Variants in KCNN2 observed in about 807,000 individuals in gnomAD.
KCNN2 encodes the protein small conductance calcium-activated potassium channel protein 2.
Under a neutral mutation model 55.5 loss-of-function variants are expected in KCNN2, and 24 were observed. The observed-to-expected ratio is 0.43, with a 90% confidence interval of 0.31 to 0.61. The LOEUF (loss-of-function observed/expected upper bound fraction) is 0.61. KCNN2 is among the 20% of genes least tolerant of loss of function. The probability of loss-of-function intolerance (pLI) is 0.08; values close to 1 mark genes in which losing one functional copy is unlikely to be tolerated. For missense variants in KCNN2, 754 were observed against 853.6 expected, an observed-to-expected ratio of 0.88 and a Z score of 1.45; for synonymous variants, 431 against 336.1, an observed-to-expected ratio of 1.28 and a Z score of -3.09.
rs1279119815 is a variant in KCNN2, at chr5:114,180,117, AGTTAAAC to A, written c.-270-41359_-270-41353del. The stretch of plus-strand genomic sequence containing the variant: ...ATATAACAAGACAAAACGGATTATA[AGTTAAAC>A]GTTCAATAATGAGTGGTAAGACAGT... On this transcript the variant is annotated intron_variant, in intron 1 of 10. Coordinates refer to the KCNN2 transcript ENST00000512097. Among the ~76,000 whole-genome samples, 10 of 152,354 alleles carry A rather than the reference AGTTAAAC, an allele frequency of 6.6e-5. No homozygotes were observed. In the Middle Eastern group the frequency reaches 0.01, roughly 155 times the overall value.
At chr5:114,105,150 G>A (rs74329089) in intron 1 of KCNN2, among the ~76,000 whole-genome samples, 7,083 of 152,098 alleles carry the variant, frequency 0.047, 546 homozygotes, top group African/African-American at 0.16. Flanking sequence ...GAGCTTGGCA[G>A]TTCTCAGATG....
intron 2 of KCNN2, among the ~76,000 whole-genome samples, chr5:114,303,115 C>T (rs960127230): frequency 6.6e-6 from 1 of 152,204 alleles, no homozygotes; most frequent in Non-Finnish European, 1.5e-5. Flanking sequence ...GAAAATTGGC[C>T]TGCTTCTGAA....
chr5:114,237,644 C>G (rs996668475), intron 2 of KCNN2, among the ~76,000 whole-genome samples: 3 of 152,126 alleles, frequency 2.0e-5, no homozygotes, highest in Non-Finnish European at 2.9e-5. Context: ...CTTTGAAAAA[C>G]ACAATCTAAA....
intron 3 of KCNN2, among the ~76,000 whole-genome samples, chr5:114,407,789 A>T (rs1242824586): frequency 6.6e-6 from 1 of 152,222 alleles, no homozygotes; most frequent in East Asian, 1.9e-4. Context: ...AGGTCTCAAC[A>T]GTTACTATGC....
intron 2 of KCNN2, among the ~76,000 whole-genome samples, chr5:114,294,710 C>T (rs571524085): frequency 4.7e-4 from 71 of 152,108 alleles, no homozygotes; most frequent in African/African-American, 7.0e-4. Flanking sequence ...CTATTAGGTC[C>T]GCTTGGTGCA....
At chr5:114,429,879 G>A (rs1759740278) in intron 3 of KCNN2, among the ~76,000 whole-genome samples, 1 of 140,024 alleles carries the variant, frequency 7.1e-6, no homozygotes, top group Non-Finnish European at 1.5e-5. Flanking sequence ...ATCATTTGTG[G>A]AAAAGATTGT....
intron 3 of KCNN2, among the ~76,000 whole-genome samples, chr5:114,413,862 A>T (rs1334763235): frequency 6.6e-6 from 1 of 152,168 alleles, no homozygotes; most frequent in Non-Finnish European, 1.5e-5. Flanking sequence ...TCTGACTTTG[A>T]AAATCCCTGT....
At chr5:114,150,391 A>C (rs1752497211) in intron 1 of KCNN2, among the ~76,000 whole-genome samples, 1 of 152,200 alleles carries the variant, frequency 6.6e-6, no homozygotes, top group Non-Finnish European at 1.5e-5. Flanking sequence ...AACCAGTAAA[A>C]CTTTCTTCAC....
At chr5:114,390,466 G>T (rs538886055) in intron 2 of KCNN2, among the ~76,000 whole-genome samples, 116 of 152,240 alleles carry the variant, frequency 7.6e-4, no homozygotes, top group African/African-American at 2.8e-3. Context: ...CCTGAAGTTA[G>T]TTAAGGTTAC....
At chr5:114,471,692 C>T (rs571867499) in intron 4 of KCNN2, among the ~76,000 whole-genome samples, 1 of 152,182 alleles carries the variant, frequency 6.6e-6, no homozygotes, top group Non-Finnish European at 1.5e-5. Flanking sequence ...TTTCTCTGAT[C>T]ATGTGATCAG....
rs763355055 is a variant in KCNN2 at position 114,363,018 on chromosome 5, C to G, written c.879C>G (p.Leu293=). Residue 293 remains leucine (L), a synonymous_variant, in exon 1 of 8, where the codon CTC becomes CTG. Coordinates refer to ENST00000673685, the MANE Select transcript of KCNN2 (RefSeq NM_021614.4). ...PEHNNSNNLA[L]YGTGGGGSTG... ...ACAACAACTCCAACAACCTGGCGCT[C>G]TATGGAACCGGCGGCGGAGGCAGCA... The G allele has an allele frequency of 5.0e-6, 8 of 1,601,142 alleles. No individual in the cohort carries two copies. The highest frequency in any genetic ancestry group is 1.1e-5 in the South Asian group (1 of 90,344).
intron 2 of KCNN2, among the ~76,000 whole-genome samples, chr5:114,387,542 AT>A (rs1758322361): frequency 1.3e-5 from 2 of 149,120 alleles, no homozygotes; most frequent in South Asian, 2.1e-4. Context: ...CTAAAAAAAA[AT>A]ATTCCCTGTG....
At chr5:114,366,019 T>C (rs963841465) in intron 2 of KCNN2, among the ~76,000 whole-genome samples, 20 of 152,204 alleles carry the variant, frequency 1.3e-4, no homozygotes, top group African/African-American at 4.8e-4. Flanking sequence ...AAGTAATTCA[T>C]AGGAGTCTAA....
intron 2 of KCNN2, among the ~76,000 whole-genome samples, chr5:114,247,619 C>T (rs927592191): frequency 1.3e-5 from 2 of 152,138 alleles, no homozygotes; most frequent in African/African-American, 4.8e-5. Context: ...GTTAACTTGC[C>T]TAATGTTTTT....
rs115900355 is a variant in KCNN2, at chr5:114,203,565, C to T, written c.-270-17915C>T. ...TCATCCTGACCTTTGAGTCAAGGAC[C>T]TAGTGAACTGACTTTCTAGTTCTAG... On this transcript the variant is annotated intron_variant, in intron 1 of 10. Coordinates refer to the KCNN2 transcript ENST00000512097. 2.8e-3 allele frequency among the ~76,000 whole-genome samples: 429 copies of T among 152,276 alleles called. 2 individuals carry two copies. The highest frequency in any genetic ancestry group is 9.9e-3 in the African/African-American group (412 of 41,556).
intron 5 of KCNN2, among the ~76,000 whole-genome samples, chr5:114,484,441 T>C (rs940321732): frequency 2.6e-5 from 4 of 152,238 alleles, no homozygotes; most frequent in South Asian, 2.1e-4. Context: ...TGCAGCAAAA[T>C]TGCACTTACA....
intron 1 of KCNN2, among the ~76,000 whole-genome samples, chr5:114,158,033 T>C (rs948967892): frequency 6.6e-6 from 1 of 152,218 alleles, no homozygotes; most frequent in Non-Finnish European, 1.5e-5. Context: ...CAATTTTGGC[T>C]TTCGTTGCCT....
intron 2 of KCNN2, among the ~76,000 whole-genome samples, chr5:114,395,673 G>A (rs1373825931): frequency 6.6e-6 from 1 of 152,146 alleles, no homozygotes; most frequent in African/African-American, 2.4e-5. Context: ...TGTTGAGAAT[G>A]TTTTCATTTT....
intron 5 of KCNN2, chr5:114,486,726 G>A (rs1233133412): frequency 3.1e-6 from 4 of 1,292,630 alleles, no homozygotes; most frequent in Non-Finnish European, 4.0e-6. Context: ...GACAACAATT[G>A]CAATACACGG....
Sources: allele counts gnomAD v4.1 joint callset (sites outside exome capture counted in the v4.1 genomes callset), GRCh38; gene constraint gnomAD v4.1.1; transcripts MANE v1.5; gene names NCBI Gene and HGNC (gene_info 2026-07-23, HGNC 2026-07-21).